Variants in PDS5B observed in about 807,000 individuals in gnomAD.
The protein encoded by PDS5B is sister chromatid cohesion protein PDS5 homolog B.
In PDS5B, 51 loss-of-function variants were observed where a neutral mutation model predicts 184.1. The ratio of observed to expected loss-of-function variants is 0.28; its 90% confidence interval spans 0.22 to 0.35. PDS5B has a LOEUF of 0.35. PDS5B is among the 10% of genes least tolerant of loss of function. The probability of loss-of-function intolerance (pLI) is 1.00; values close to 1 mark genes in which losing one functional copy is unlikely to be tolerated. For missense variants in PDS5B, 1,180 were observed against 1,723.3 expected, an observed-to-expected ratio of 0.68 and a Z score of 5.58; for synonymous variants, 566 against 569.2, an observed-to-expected ratio of 0.99 and a Z score of 0.08.
intron 19 of PDS5B, among the ~76,000 whole-genome samples, chr13:32,727,347 G>A (rs1465529704): frequency 2.6e-5 from 4 of 151,860 alleles, no homozygotes; most frequent in East Asian, 3.9e-4. Context: ...AGTGTATCTC[G>A]AATTAATAAT....
chr13:32,647,610 T>C (rs1950260129), intron 1 of PDS5B, among the ~76,000 whole-genome samples: 2 of 152,204 alleles, frequency 1.3e-5, no homozygotes, highest in East Asian at 1.9e-4. Context: ...TGCGAATACA[T>C]TGACCTGTTG....
rs75111518 is a variant in PDS5B at position 32,662,317 on chromosome 13, C to T, written c.624+3037C>T. The stretch of plus-strand genomic sequence containing the variant: ...TATAAAGCACAAATTGAAAGAATTA[C>T]GGACAGAAAGAAGCAAATTCACTAT... On this transcript the variant is annotated intron_variant, in intron 6 of 34. Coordinates refer to ENST00000315596, the MANE Select transcript of PDS5B (RefSeq NM_015032.4). Among the ~76,000 whole-genome samples the T allele has an allele frequency of 1.0e-3, 154 of 152,156 alleles. 1 individual carries two copies. The highest frequency in any genetic ancestry group is 6.7e-3 in the East Asian group (35 of 5,190).
At chr13:32,696,688 C>T (rs772150689) in intron 14 of PDS5B, among the ~76,000 whole-genome samples, 166 bp from the exon 15 acceptor site, 23 of 152,086 alleles carry the variant, frequency 1.5e-4, no homozygotes, top group Admixed American at 5.2e-4. Context: ...TACCTCCTGT[C>T]CAGTTTATCT....
At chr13:32,662,691 A>G (rs1296193305) in intron 6 of PDS5B, among the ~76,000 whole-genome samples, 1 of 152,136 alleles carries the variant, frequency 6.6e-6, no homozygotes, top group Non-Finnish European at 1.5e-5. Context: ...CCATGGCTAA[A>G]TGTACATTTC....
chr13:32,644,829 A>T (rs1309068205), intron 1 of PDS5B, among the ~76,000 whole-genome samples: 1 of 152,168 alleles, frequency 6.6e-6, no homozygotes, highest in African/African-American at 2.4e-5. Flanking sequence ...AAATCTGTTT[A>T]GTATATAATT....
intron 7 of PDS5B, among the ~76,000 whole-genome samples, chr13:32,668,542 C>T (rs1242331927): frequency 1.3e-5 from 2 of 152,078 alleles, no homozygotes. Context: ...ATTTAGGTGG[C>T]AGTATTCATA....
At chr13:32,632,324 A>C (rs937122437) in intron 1 of PDS5B, among the ~76,000 whole-genome samples, 1 of 152,244 alleles carries the variant, frequency 6.6e-6, no homozygotes, top group African/African-American at 2.4e-5. Flanking sequence ...GTCAATGACA[A>C]AAAGACAACC....
intron 20 of PDS5B, among the ~76,000 whole-genome samples, chr13:32,733,422 T>A (rs993130744): frequency 6.6e-6 from 1 of 152,194 alleles, no homozygotes; most frequent in Non-Finnish European, 1.5e-5. Context: ...ACCAAACTTA[T>A]AATCTAATTG....
chr13:32,714,614 C>G (rs1051213283), intron 19 of PDS5B, among the ~76,000 whole-genome samples: 7 of 152,114 alleles, frequency 4.6e-5, no homozygotes, highest in African/African-American at 1.7e-4. Context: ...CAGGGATGTT[C>G]CATGCTGAGA....
intron 1 of PDS5B, among the ~76,000 whole-genome samples, chr13:32,628,964 G>C (rs1355866387): frequency 6.6e-6 from 1 of 152,116 alleles, no homozygotes; most frequent in African/African-American, 2.4e-5. Flanking sequence ...AAGTATTGCT[G>C]GGTTGAAGGG....
intron 1 of PDS5B, among the ~76,000 whole-genome samples, chr13:32,627,188 TCC>T (rs1346677456): frequency 6.6e-6 from 1 of 152,208 alleles, no homozygotes; most frequent in East Asian, 1.9e-4. Context: ...ACTTAAAATA[TCC>T]CTCAGTGCCT....
chr13:32,731,335 G>GT (rs761065867), intron 19 of PDS5B, among the ~76,000 whole-genome samples: 8 of 152,142 alleles, frequency 5.3e-5, no homozygotes, highest in Admixed American at 3.3e-4. Flanking sequence ...CGTTTTAAAT[G>GT]TTTGAGTTAT....
Position 32,769,549 on chromosome 13 carries a change from CAGTT to C in PDS5B, c.3625-566_3625-563del, listed in dbSNP as rs748890638. Among the ~76,000 whole-genome samples, 92 of 152,210 alleles carry C rather than the reference CAGTT, an allele frequency of 6.0e-4. 3 individuals carry two copies. The highest frequency in any genetic ancestry group is 5.8e-3 in the Admixed American group (88 of 15,298). On this transcript the variant is annotated intron_variant, in intron 31 of 34. Coordinates refer to ENST00000315596, the MANE Select transcript of PDS5B (RefSeq NM_015032.4). ...GTTTTTTGTTGTTTCTGTTGTTAAT[CAGTT>C]AGTTATACCTAGAAAGAAGCAGTAT...
intron 1 of PDS5B, among the ~76,000 whole-genome samples, chr13:32,602,712 G>C (rs561054947): frequency 1.3e-5 from 2 of 152,048 alleles, no homozygotes. Flanking sequence ...CAGTCCCACC[G>C]ACAATGCAAA....
chr13:32,632,460 G>A (rs1456152969), intron 1 of PDS5B, among the ~76,000 whole-genome samples: 1 of 152,070 alleles, frequency 6.6e-6, no homozygotes, highest in African/African-American at 2.4e-5. Flanking sequence ...ACATAATGAG[G>A]TTACACTGCA....
At chr13:32,627,236 GTC>G (rs1486644318) in intron 1 of PDS5B, among the ~76,000 whole-genome samples, 1 of 152,200 alleles carries the variant, frequency 6.6e-6, no homozygotes, top group Non-Finnish European at 1.5e-5. Context: ...ACTCTGAGAT[GTC>G]TTGTTTTACA....
chr13:32,724,983 C>T (rs903736085), intron 19 of PDS5B, among the ~76,000 whole-genome samples: 3 of 152,184 alleles, frequency 2.0e-5, no homozygotes, highest in African/African-American at 7.2e-5. Flanking sequence ...GATTTGTATG[C>T]TTTCCTGTCA....
At chr13:32,603,449 G>A (rs1258379784) in intron 1 of PDS5B, among the ~76,000 whole-genome samples, 1 of 152,084 alleles carries the variant, frequency 6.6e-6, no homozygotes, top group Non-Finnish European at 1.5e-5. Flanking sequence ...TGTTCCATTG[G>A]TCTATATCTC....
intron 19 of PDS5B, among the ~76,000 whole-genome samples, chr13:32,712,583 A>G (rs574089530): frequency 5.3e-5 from 8 of 152,358 alleles, no homozygotes; most frequent in African/African-American, 1.7e-4. Flanking sequence ...GCTACCACCA[A>G]CTGGACAGAA....
Sources: gnomAD v4.1 joint callset for allele counts (sites outside exome capture counted in the v4.1 genomes callset) on GRCh38, gnomAD v4.1.1 for gene constraint, MANE v1.5 for transcripts, NCBI Gene and HGNC (gene_info 2026-07-23, HGNC 2026-07-21) for gene names.